Variants in TSPEAR observed in about 807,000 individuals in gnomAD.
The protein encoded by TSPEAR is thrombospondin type laminin G domain and EAR repeats.
A neutral mutation model predicts 71.6 loss-of-function variants in TSPEAR; 69 were observed. That is an observed-to-expected ratio of 0.96 (90% CI 0.79 to 1.18). The LOEUF (loss-of-function observed/expected upper bound fraction) is 1.18, where lower values mean the gene tolerates loss of function less well. TSPEAR is among the 50% of genes most tolerant of loss of function. The pLI, the probability that TSPEAR is intolerant of heterozygous loss-of-function variation, is 0.00. For missense variants in TSPEAR, 971 were observed against 894.9 expected (o/e 1.09, Z -1.09); for synonymous variants, 402 against 387.2 (o/e 1.04, Z -0.45).
intron 1 of TSPEAR, among the ~76,000 whole-genome samples, chr21:44,611,089 C>T (rs1186455345): frequency 6.6e-6 from 1 of 152,122 alleles, no homozygotes; most frequent in African/African-American, 2.4e-5. Flanking sequence ...AAACTTTGGA[C>T]TGTGGACTTT....
chr21:44,669,031 AC>A (rs1198686225), intron 1 of TSPEAR, among the ~76,000 whole-genome samples: 1 of 152,258 alleles, frequency 6.6e-6, no homozygotes, highest in African/African-American at 2.4e-5. Context: ...GAGTTCATGA[AC>A]TTGAAGCACA....
chr21:44,523,189 A>G (rs888925950), intron 8 of TSPEAR, among the ~76,000 whole-genome samples: 1 of 147,606 alleles, frequency 6.8e-6, no homozygotes, highest in Non-Finnish European at 1.5e-5. Context: ...CAGCCAGCCA[A>G]TTAGTCAGTG....
intron 6 of TSPEAR, among the ~76,000 whole-genome samples, 159 bp from the exon 7 acceptor site, chr21:44,527,677 C>T (rs1331791886): frequency 1.3e-5 from 2 of 152,244 alleles, no homozygotes; most frequent in Non-Finnish European, 2.9e-5. Context: ...ACAGGAAAGG[C>T]CTGTCAAAGG....
chr21:44,505,923 GGCTGCTGGT>G (rs2052188206), intron 10 of TSPEAR, among the ~76,000 whole-genome samples: 1 of 152,182 alleles, frequency 6.6e-6, no homozygotes, highest in Non-Finnish European at 1.5e-5. Flanking sequence ...AAAAGTCTCA[GGCTGCTGGT>G]GCCTGCTGGA....
rs374042277 is a variant in TSPEAR, at chr21:44,579,637, G to C, written c.83-11632C>G. The C allele has an allele frequency of 4.2e-4, 505 of 1,195,432 alleles. 2 individuals carry two copies. The highest frequency in any genetic ancestry group is 5.5e-4 in the East Asian group (23 of 41,592). 74.1% of individuals were successfully genotyped at this position (1,195,432 alleles called of 1,614,324 possible). ...GATGGAGATTCCTGGGAGTATGGAGGGGGGGGTCACCTCAGCACATGGGGG... is the reference window on the plus strand; with the variant it reads ...GATGGAGATTCCTGGGAGTATGGAGCGGGGGGTCACCTCAGCACATGGGGG... On this transcript the variant is annotated intron_variant, in intron 1 of 11. Transcript: ENST00000323084.
intron 2 of TSPEAR, among the ~76,000 whole-genome samples, chr21:44,545,988 G>A (rs2053298050): frequency 6.6e-6 from 1 of 152,176 alleles, no homozygotes; most frequent in Non-Finnish European, 1.5e-5. Flanking sequence ...AAGAGCAACA[G>A]ATTTGACAAA....
At chr21:44,666,572 G>A (rs371213509) in intron 1 of TSPEAR, 14 of 1,601,214 alleles carry the variant, frequency 8.7e-6, no homozygotes, top group Admixed American at 3.4e-5. Context: ...TCACAGGCAC[G>A]CACAGGGAGG....
At chr21:44,573,470 C>T (rs1555922953) in intron 1 of TSPEAR, among the ~76,000 whole-genome samples, 7 of 152,198 alleles carry the variant, frequency 4.6e-5, no homozygotes, top group Admixed American at 4.6e-4. Context: ...GCCTGAACTG[C>T]CCCTCAGCTC....
rs1988178368 is a variant in TSPEAR at position 44,710,735 on chromosome 21, G to C, written c.82+698C>G. Among the ~76,000 whole-genome samples the C allele has an allele frequency of 6.6e-6, 1 of 152,188 alleles. No homozygotes were observed. Among genetic ancestry groups the C allele is most frequent in the Non-Finnish European group, 1.5e-5 (1 of 68,030 alleles). On this transcript the variant is annotated intron_variant, in intron 1 of 11. Coordinates refer to ENST00000323084, the MANE Select transcript of TSPEAR (RefSeq NM_144991.3). The surrounding 1 kb of genome is among the most constrained non-coding windows in gnomAD (Gnocchi z 4.6). ...GTGTTACTTTATTAAATTTTGGTTT[G>C]ATAAGTAAAATCCCTCAGTAGAAAC...
At position 44,655,029 on chromosome 21, in the gene TSPEAR, G is replaced by T. The variant is rs587688513; in HGVS notation, c.82+56404C>A. The stretch of plus-strand genomic sequence containing the variant: ...ACTGAGAAGCTCAGTCATCATCAGG[G>T]TCTTCCCAAGTAACGAGAGCCAAAC... On this transcript the variant is annotated intron_variant, in intron 1 of 11. Transcript: ENST00000323084. 3.3e-5 allele frequency among the ~76,000 whole-genome samples: 5 copies of T among 152,266 alleles called. No individual in the cohort carries two copies. The South Asian group carries it at 8.3e-4, about 25-fold the overall frequency.
intron 1 of TSPEAR, chr21:44,702,146 A>G (rs1987679018): frequency 2.3e-6 from 3 of 1,293,982 alleles, no homozygotes; most frequent in Admixed American, 4.3e-5. Context: ...ACAGGGGTGG[A>G]GACTGAAGCG....
At chr21:44,682,020 C>T (rs1986623544) in intron 1 of TSPEAR, 1 of 1,610,074 alleles carries the variant, frequency 6.2e-7, no homozygotes. Context: ...CACGGGCACG[C>T]ACACGGAGGA....
chr21:44,691,287 G>A (rs1442811353), intron 1 of TSPEAR, among the ~76,000 whole-genome samples: 1 of 152,154 alleles, frequency 6.6e-6, no homozygotes, highest in African/African-American at 2.4e-5. Flanking sequence ...AGCAAAGAAT[G>A]GCACTCACCC....
At chr21:44,627,958 C>T (rs370276440) in intron 1 of TSPEAR, 201 of 1,517,254 alleles carry the variant, frequency 1.3e-4, no homozygotes, top group Non-Finnish European at 1.6e-4. Context: ...CAGCTATTGC[C>T]GCCAGGCCTC....
intron 2 of TSPEAR, chr21:44,551,483 G>C: frequency 6.9e-7 from 1 of 1,449,230 alleles, no homozygotes; most frequent in Non-Finnish European, 9.4e-7. Flanking sequence ...GAGGTGAGCT[G>C]GGGGAGGTGT....
rs782233586 is a variant in TSPEAR at position 44,681,959 on chromosome 21, GCA to G, written c.82+29472_82+29473del. The G allele has an allele frequency of 2.1e-5, 34 of 1,613,898 alleles. No individual in the cohort carries two copies. In the East Asian group the frequency reaches 7.4e-4, roughly 35 times the overall value. ...CGACGGGCCTGCAGCTCACGGGCAC[GCA>G]CACAGAGGACTGGCATCTCACGGGC... is the stretch of plus-strand genomic sequence containing the variant. On this transcript the variant is annotated intron_variant, in intron 1 of 11. Transcript: ENST00000323084.
At chr21:44,626,283 C>T (rs1555934305) in intron 1 of TSPEAR, among the ~76,000 whole-genome samples, 1 of 152,222 alleles carries the variant, frequency 6.6e-6, no homozygotes, top group African/African-American at 2.4e-5. Context: ...TCATCATGCC[C>T]TGTGGTGATA....
chr21:44,620,945 G>T (rs1982394458), intron 1 of TSPEAR, among the ~76,000 whole-genome samples: 1 of 152,118 alleles, frequency 6.6e-6, no homozygotes. Flanking sequence ...GTGCTATTAG[G>T]TTACACATAT....
chr21:44,654,600 G>A, intron 1 of TSPEAR: 1 of 1,573,048 alleles, frequency 6.4e-7, no homozygotes, highest in Non-Finnish European at 8.6e-7. Context: ...CCGAAGAGTG[G>A]CTGGTGTGGC....
Sources: allele counts gnomAD v4.1 joint callset (sites outside exome capture counted in the v4.1 genomes callset), GRCh38; gene constraint gnomAD v4.1.1; non-coding constraint Gnocchi (gnomAD v3.1); transcripts MANE v1.5; gene names NCBI Gene and HGNC (gene_info 2026-07-23, HGNC 2026-07-21).